Variants in PUDP observed in about 807,000 individuals in gnomAD.
PUDP encodes the protein pseudouridine-5'-phosphatase.
PUDP carries 8 observed loss-of-function variants against 9.4 expected under a neutral mutation model. The ratio of observed to expected loss-of-function variants is 0.85; its 90% CI spans 0.50 to 1.53. The LOEUF (loss-of-function observed/expected upper bound fraction) is 1.53, where lower values mean the gene tolerates loss of function less well. PUDP is among the 40% of genes most tolerant of loss of function. PUDP has a pLI of 0.00. For missense variants in PUDP, 188 were observed against 189.7 expected, an observed-to-expected ratio of 0.99 and a Z score of 0.05; for synonymous variants, 99 against 80.7, an observed-to-expected ratio of 1.23 and a Z score of -1.22.
intron 3 of PUDP, among the ~76,000 whole-genome samples, chrX:6,743,573 C>T (rs995713429): frequency 4.5e-5 from 5 of 112,058 alleles, no homozygotes; most frequent in Non-Finnish European, 9.4e-5. Context: ...ATATCTGAAG[C>T]CATATTCAAT....
intron 3 of PUDP, among the ~76,000 whole-genome samples, chrX:6,840,293 T>C (rs1460592511): frequency 8.9e-6 from 1 of 112,243 alleles, no homozygotes. Context: ...ATTAAACCTC[T>C]TTCTCTTTAT....
chrX:7,065,172 C>G (rs550220335), intron 3 of PUDP, among the ~76,000 whole-genome samples: 13 of 111,248 alleles, frequency 1.2e-4, no homozygotes, highest in African/African-American at 2.0e-4. Context: ...AAAGAAAAAA[C>G]AAAAAACAAA....
intron 1 of PUDP, among the ~76,000 whole-genome samples, chrX:6,979,930 C>A (rs1370777041): frequency 9.1e-6 from 1 of 110,182 alleles, no homozygotes; most frequent in Non-Finnish European, 1.9e-5. Context: ...TTTTAAAAAC[C>A]ATATTTTTTC....
rs147301743 is a variant in PUDP at position 7,138,625 on chromosome X, G to A, written c.61+9428C>T. Among the ~76,000 whole-genome samples the A allele has an allele frequency of 4.6e-3, 517 of 111,262 alleles. 4 individuals are homozygous for A. Among genetic ancestry groups the A allele is most frequent in the African/African-American group, 0.016 (488 of 30,565 alleles). On this transcript the variant is annotated intron_variant, in intron 1 of 3. Coordinates refer to ENST00000381077, the MANE Select transcript of PUDP (RefSeq NM_012080.5). Reference sequence around the variant, plus strand: ...TGGCCTCAAGCGATCGACTTGCCTCGGCCTCCCAAAGTGCTGGGATGATAG... The same window carrying A: ...TGGCCTCAAGCGATCGACTTGCCTCAGCCTCCCAAAGTGCTGGGATGATAG...
At chrX:6,927,579 A>G (rs1223740758) in intron 3 of PUDP, among the ~76,000 whole-genome samples, 1 of 111,831 alleles carries the variant, frequency 8.9e-6, no homozygotes, top group Non-Finnish European at 1.9e-5. Context: ...TGCTGTGCCC[A>G]TAGCACAGAG....
chrX:6,727,074 A>T (rs1041045589), intron 3 of PUDP, among the ~76,000 whole-genome samples: 2 of 111,497 alleles, frequency 1.8e-5, no homozygotes, highest in Admixed American at 1.9e-4. Flanking sequence ...ATATTTGAAA[A>T]TTTTTTCTTG....
At chrX:6,848,822 C>A (rs1926786379) in intron 3 of PUDP, among the ~76,000 whole-genome samples, 1 of 112,139 alleles carries the variant, frequency 8.9e-6, no homozygotes, top group South Asian at 3.7e-4. Flanking sequence ...CTTCCTGAGG[C>A]CTCATCAGAA....
chrX:6,794,444 T>C (rs1201453769), intron 3 of PUDP, among the ~76,000 whole-genome samples: 1 of 112,413 alleles, frequency 8.9e-6, no homozygotes, highest in Non-Finnish European at 1.9e-5. Flanking sequence ...GAAGTTATTC[T>C]GGGTGAGTCA....
intron 3 of PUDP, among the ~76,000 whole-genome samples, chrX:6,900,513 G>A (rs1036507394): frequency 6.4e-5 from 7 of 109,002 alleles, no homozygotes; most frequent in African/African-American, 2.0e-4. Context: ...AAAAGAGAGA[G>A]GGAAGGAGAG....
intron 3 of PUDP, among the ~76,000 whole-genome samples, chrX:6,911,099 G>A (rs1927842413): frequency 8.9e-6 from 1 of 111,783 alleles, no homozygotes; most frequent in African/African-American, 3.2e-5. Flanking sequence ...TTTGCTTTGG[G>A]TAGAGTTTTC....
rs1051020259 is a variant in PUDP at position 6,829,132 on chromosome X, G to A, written c.*248-122666C>T. Among the ~76,000 whole-genome samples the A allele has an allele frequency of 8.1e-5, 9 of 111,375 alleles. No individual in the cohort carries two copies. In the East Asian group the frequency reaches 2.6e-3, roughly 32 times the overall value. ...GAACCAGGAAGTGCCCTCACCAGAT[G>A]CAGAATGTGCCATGACTTGATCTTG... On this transcript the variant is annotated intron_variant and NMD_transcript_variant, in intron 3 of 3. Coordinates refer to the PUDP transcript ENST00000655425.
In PUDP at chrX:6,982,841, G is replaced by A. The variant is rs758131912; in HGVS notation, c.205-4498C>T. Among the ~76,000 whole-genome samples the A allele has an allele frequency of 9.0e-4, 101 of 112,546 alleles. No homozygotes were observed. In the Middle Eastern group the frequency reaches 0.014, roughly 15 times the overall value. ...ATGGCCAACCTGTGAGGCTACAAGCGGGACAGAGTCAGCCATGTCAGATTT... is the reference window on the plus strand; with the variant it reads ...ATGGCCAACCTGTGAGGCTACAAGCAGGACAGAGTCAGCCATGTCAGATTT... On this transcript the variant is annotated intron_variant and NMD_transcript_variant, in intron 1 of 3. Transcript: ENST00000655425.
intron 1 of PUDP, among the ~76,000 whole-genome samples, chrX:7,143,754 C>T (rs1278525432): frequency 8.9e-6 from 1 of 112,121 alleles, no homozygotes; most frequent in African/African-American, 3.2e-5. Flanking sequence ...ATTCCAGAAG[C>T]CTTTTCAGTT....
At chrX:7,128,517 G>A (rs1251722847) in intron 1 of PUDP, among the ~76,000 whole-genome samples, 1 of 111,623 alleles carries the variant, frequency 9.0e-6, no homozygotes, top group Non-Finnish European at 1.9e-5. Flanking sequence ...GCCTGTGTGT[G>A]TAAGCTCATC....
At chrX:6,911,848 AT>A (rs1454387701) in intron 3 of PUDP, among the ~76,000 whole-genome samples, 1 of 111,925 alleles carries the variant, frequency 8.9e-6, no homozygotes, top group Non-Finnish European at 1.9e-5. Context: ...CCAATGTGCA[AT>A]TTTTATAAAT....
At chrX:6,844,294 G>C (rs1926712472) in intron 3 of PUDP, among the ~76,000 whole-genome samples, 1 of 112,780 alleles carries the variant, frequency 8.9e-6, no homozygotes, top group South Asian at 3.6e-4. Context: ...ATTCCTCCTT[G>C]CTATGCAACA....
At chrX:6,791,682 A>G (rs1269908276) in intron 3 of PUDP, among the ~76,000 whole-genome samples, 4 of 111,681 alleles carry the variant, frequency 3.6e-5, no homozygotes, top group Non-Finnish European at 7.5e-5. Context: ...AAGCAAGGAA[A>G]TAGATTCTTC....
intron 3 of PUDP, among the ~76,000 whole-genome samples, chrX:6,872,393 C>T (rs942080460): frequency 9.0e-6 from 1 of 111,298 alleles, no homozygotes; most frequent in African/African-American, 3.3e-5. Context: ...AACGTGATTA[C>T]CTTTGTAAAG....
Position 6,988,096 on chromosome X carries a change from GCAACCTCGTGGGTCTGCATAGTGTTCTTT to G in PUDP, c.205-9782_205-9754del, listed in dbSNP as rs1248220310. 2.7e-5 allele frequency among the ~76,000 whole-genome samples: 3 copies of G among 111,901 alleles called. No individual in the cohort carries two copies. In the South Asian group the frequency reaches 1.1e-3, roughly 42 times the overall value. ...AGGAAGAGGGGAAAAATGTCCTAGGGCAACCTCGTGGGTCTGCATAGTGTTCTTTCTTTTTCATCTGCCATCTGCAGTGG... is the reference window on the plus strand; with the variant it reads ...AGGAAGAGGGGAAAAATGTCCTAGGGCTTTTTCATCTGCCATCTGCAGTGG... On this transcript the variant is annotated intron_variant and NMD_transcript_variant, in intron 1 of 3. Coordinates refer to the PUDP transcript ENST00000655425.
Sources: allele counts gnomAD v4.1 joint callset (sites outside exome capture counted in the v4.1 genomes callset), GRCh38; gene constraint gnomAD v4.1.1; transcripts MANE v1.5; gene names NCBI Gene and HGNC (gene_info 2026-07-23, HGNC 2026-07-21).